The following SVIL variants were observed in gnomAD, a reference collection of about 807,000 sequenced individuals.
The protein encoded by SVIL is supervillin, also known as archvillin.
SVIL carries 101 observed loss-of-function variants against 240.4 expected under a neutral mutation model. The observed-to-expected ratio is 0.42, with a 90% CI of 0.36 to 0.50. The LOEUF (loss-of-function observed/expected upper bound fraction) is 0.50, where lower values mean the gene tolerates loss of function less well. Ranked by LOEUF, SVIL falls within the 20% of genes least tolerant of loss-of-function variation. The probability of loss-of-function intolerance (pLI) is 0.01; values close to 1 mark genes in which losing one functional copy is unlikely to be tolerated. For missense variants in SVIL, 2,512 were observed against 2,818.7 expected (o/e 0.89, Z 2.46); for synonymous variants, 999 against 1,100.0 (o/e 0.91, Z 1.82).
chr10:29,613,039 T>C lies in SVIL; in HGVS notation c.-201+21381A>G, dbSNP rs1957303928. Among the ~76,000 whole-genome samples, 7 of 152,050 alleles carry C rather than the reference T, an allele frequency of 4.6e-5. No homozygotes were observed. The South Asian group carries it at 1.5e-3, about 32-fold the overall frequency. On this transcript the variant is annotated intron_variant, in intron 1 of 37. Transcript: ENST00000355867. ...AAAAATACAAAAAACTAGCTGGGTG[T>C]GGTGGCACGTGCCTGTAGTACCAGC...
chr10:29,471,277 G>A (rs1232713441), intron 30 of SVIL, 34 bp from the exon 31 acceptor site: 1 of 1,539,710 alleles, frequency 6.5e-7, no homozygotes, highest in South Asian at 1.2e-5. Context: ...TAGGTAAGGG[G>A]CGCGGGGCTT....
chr10:29,571,275 C>T (rs1164626051), intron 1 of SVIL, among the ~76,000 whole-genome samples: 2 of 152,186 alleles, frequency 1.3e-5, no homozygotes, highest in African/African-American at 4.8e-5. Context: ...CAGACTGGAG[C>T]CCAGTGATGG....
intron 1 of SVIL, among the ~76,000 whole-genome samples, chr10:29,626,752 C>T (rs1334112190): frequency 6.6e-6 from 1 of 152,114 alleles, no homozygotes; most frequent in Non-Finnish European, 1.5e-5. Context: ...AGGCTGGGCG[C>T]GGTGGCTCAG....
intron 3 of SVIL, among the ~76,000 whole-genome samples, chr10:29,556,807 G>A (rs1240821328): frequency 6.6e-6 from 1 of 152,152 alleles, no homozygotes; most frequent in Non-Finnish European, 1.5e-5. Flanking sequence ...TGGGATTATG[G>A]TGATACAACT....
intron 18 of SVIL, among the ~76,000 whole-genome samples, chr10:29,498,281 G>C (rs1297963635): frequency 6.6e-6 from 1 of 151,806 alleles, no homozygotes; most frequent in Admixed American, 6.6e-5. Flanking sequence ...AGCCAGGCAT[G>C]GTGGTGGCGG....
chr10:29,645,065 T>C (rs758274144), intron 3 of SVIL, among the ~76,000 whole-genome samples: 3 of 152,312 alleles, frequency 2.0e-5, no homozygotes, highest in South Asian at 2.1e-4. Flanking sequence ...TTTAGCTTTA[T>C]ATTTAATACA....
intron 1 of SVIL, among the ~76,000 whole-genome samples, chr10:29,630,837 C>T (rs977811260): frequency 2.6e-5 from 4 of 152,090 alleles, no homozygotes; most frequent in African/African-American, 7.2e-5. Flanking sequence ...TGGATCACAG[C>T]CAAATTTCGA....
chr10:29,607,590 G>A (rs1957073643), intron 1 of SVIL, among the ~76,000 whole-genome samples: 1 of 151,838 alleles, frequency 6.6e-6, no homozygotes, highest in Non-Finnish European at 1.5e-5. Flanking sequence ...GTTATTCCCT[G>A]GTACTGAATT....
rs772666987 is a variant in SVIL, at chr10:29,522,459, C to T, written c.3340G>A (p.Gly1114Arg). Residue 1114 changes from glycine to arginine, a missense_variant, in exon 16 of 38, where the codon GGG (glycine) becomes AGG (arginine). Gly to Arg is a moderately radical substitution (Grantham distance 125). Around this residue, in one of 3 missense-constraint regions of SVIL, gnomAD observed 1,443 missense variants for 1,486.6 expected, o/e 0.97. Transcript: ENST00000355867. ...FAAGEIKTPT[G>R]EGLLDSPSKT... Reference sequence around the variant, plus strand: ...CTGGGTGAGTCAAGAAGGCCCTCCCCTGTCGGCGTTTTGATCTCTCCAGCA... The same window carrying T: ...CTGGGTGAGTCAAGAAGGCCCTCCCTTGTCGGCGTTTTGATCTCTCCAGCA... 4 of 1,614,194 alleles carry T rather than the reference C, an allele frequency of 2.5e-6. No individual in the cohort carries two copies. Among genetic ancestry groups the T allele is most frequent in the African/African-American group, 1.3e-5 (1 of 75,036 alleles).
chr10:29,725,494 C>T (rs11007716), intron 1 of SVIL, among the ~76,000 whole-genome samples: 55,421 of 152,016 alleles, frequency 0.36, 10,701 homozygotes, highest in East Asian at 0.48. Flanking sequence ...AGCCTGTATT[C>T]ATGCACACAG....
At chr10:29,690,486 G>C (rs1961416030) in intron 1 of SVIL, among the ~76,000 whole-genome samples, 1 of 152,040 alleles carries the variant, frequency 6.6e-6, no homozygotes. Flanking sequence ...TAATATGGAG[G>C]CTATTTATAT....
chr10:29,546,087 A>C (rs12774329), intron 6 of SVIL, among the ~76,000 whole-genome samples: 6,833 of 152,234 alleles, frequency 0.045, 218 homozygotes, highest in South Asian at 0.14. Context: ...TAAAGTAACA[A>C]ATTCAACAAG....
chr10:29,464,471 A>T lies in SVIL; in HGVS notation c.6134-836T>A, dbSNP rs186267996. On this transcript the variant is annotated intron_variant, in intron 34 of 37. Coordinates refer to ENST00000355867, the MANE Select transcript of SVIL (RefSeq NM_021738.3). The stretch of plus-strand genomic sequence containing the variant: ...TAAAATAAAAGGAAATAAAAATCAA[A>T]ACTGTTCTACTGCCTTTTCCTCCTA... 5.3e-5 allele frequency among the ~76,000 whole-genome samples: 8 copies of T among 152,062 alleles called. No individual in the cohort carries two copies. The East Asian group carries it at 1.5e-3, about 29-fold the overall frequency.
At chr10:29,564,640 A>G (rs1366168941) in intron 2 of SVIL, among the ~76,000 whole-genome samples, 1 of 151,472 alleles carries the variant, frequency 6.6e-6, no homozygotes, top group East Asian at 1.9e-4. Flanking sequence ...TAAAAACTAC[A>G]GGGAAAGAAC....
intron 1 of SVIL, among the ~76,000 whole-genome samples, chr10:29,595,718 A>G (rs16930458): frequency 0.047 from 7,082 of 152,172 alleles, 550 homozygotes; most frequent in African/African-American, 0.16. Context: ...CCAGGCCCAT[A>G]TCGTCCAAGC....
chr10:29,611,594 G>T (rs1326534673), intron 1 of SVIL, among the ~76,000 whole-genome samples: 1 of 152,188 alleles, frequency 6.6e-6, no homozygotes, highest in African/African-American at 2.4e-5. Flanking sequence ...GGAATCAGGA[G>T]CAAACCAATG....
At chr10:29,494,712 T>C (rs1445244934) in intron 20 of SVIL, among the ~76,000 whole-genome samples, 5 of 152,200 alleles carry the variant, frequency 3.3e-5, no homozygotes, top group South Asian at 4.1e-4. Context: ...ACAATTCCAA[T>C]TGGATGGCAT....
At chr10:29,551,329 T>A in intron 5 of SVIL, 66 bp from the exon 6 acceptor site, 1 of 1,453,734 alleles carries the variant, frequency 6.9e-7, no homozygotes, top group South Asian at 1.4e-5. Context: ...ACACACAGAA[T>A]GACACTCTAC....
At chr10:29,713,742 T>C (rs1243066011) in intron 1 of SVIL, among the ~76,000 whole-genome samples, 1 of 152,212 alleles carries the variant, frequency 6.6e-6, no homozygotes, top group Non-Finnish European at 1.5e-5. Context: ...CGACCACTGA[T>C]CTATTCCAGC....
Sources: allele counts gnomAD v4.1 joint callset (sites outside exome capture counted in the v4.1 genomes callset), GRCh38; gene constraint gnomAD v4.1.1; regional missense constraint gnomAD v4.1.1; transcripts MANE v1.5; gene names NCBI Gene and HGNC (gene_info 2026-07-23, HGNC 2026-07-21).